Variants in ACOXL observed in about 807,000 individuals in gnomAD.
ACOXL encodes acyl-coenzyme A oxidase-like protein.
A neutral mutation model predicts 71.9 loss-of-function variants in ACOXL; 70 were observed. The ratio of observed to expected loss-of-function variants is 0.97; its 90% CI spans 0.80 to 1.19. The LOEUF is 1.19. Ranked by LOEUF, ACOXL falls within the 50% of genes most tolerant of loss-of-function variation. ACOXL has a pLI of 0.00. For synonymous variants in ACOXL, 253 were observed against 281.6 expected (o/e 0.90, Z 1.02); for missense variants, 703 against 736.3 (o/e 0.95, Z 0.52).
intron 1 of ACOXL, among the ~76,000 whole-genome samples, chr2:110,767,403 G>C (rs1484291222): frequency 6.6e-6 from 1 of 152,140 alleles, no homozygotes; most frequent in Non-Finnish European, 1.5e-5. Context: ...GCAAAGAGAG[G>C]GGGAGGAAAG....
intron 12 of ACOXL, among the ~76,000 whole-genome samples, chr2:110,978,098 A>G (rs898130558): frequency 5.9e-5 from 9 of 152,208 alleles, no homozygotes; most frequent in African/African-American, 2.2e-4. Flanking sequence ...ATCTTAGTCC[A>G]TGTCTTCTTC....
intron 12 of ACOXL, among the ~76,000 whole-genome samples, chr2:110,971,865 C>T (rs2062205597): frequency 6.6e-6 from 1 of 152,200 alleles, no homozygotes; most frequent in African/African-American, 2.4e-5. Flanking sequence ...TCACATTCTC[C>T]ATCTCAGCTT....
chr2:110,957,283 T>C (rs1490195460), intron 12 of ACOXL, among the ~76,000 whole-genome samples: 1 of 152,124 alleles, frequency 6.6e-6, no homozygotes, highest in Non-Finnish European at 1.5e-5. Flanking sequence ...TGCTACTTAC[T>C]GAGTGGCTTG....
intron 9 of ACOXL, among the ~76,000 whole-genome samples, chr2:110,815,543 A>G (rs1036765577): frequency 1.1e-4 from 17 of 152,222 alleles, no homozygotes; most frequent in Admixed American, 3.9e-4. Flanking sequence ...GATGTTTTTC[A>G]TATTTAAAAT....
chr2:111,088,516 C>T (rs1193731730), intron 16 of ACOXL, among the ~76,000 whole-genome samples: 1 of 152,164 alleles, frequency 6.6e-6, no homozygotes, highest in Non-Finnish European at 1.5e-5. Context: ...TTATCCTTAA[C>T]AAGCCAGCCC....
chr2:110,822,819 C>G (rs1262670421), intron 9 of ACOXL, among the ~76,000 whole-genome samples: 1 of 152,148 alleles, frequency 6.6e-6, no homozygotes, highest in Non-Finnish European at 1.5e-5. Context: ...CTATTTAATC[C>G]TTCTCCCTCC....
intron 2 of ACOXL, among the ~76,000 whole-genome samples, chr2:110,773,323 C>T (rs183890738): frequency 9.2e-5 from 14 of 152,056 alleles, no homozygotes; most frequent in African/African-American, 3.4e-4. Flanking sequence ...TTGGGAATGC[C>T]GGGGAGGGTG....
chr2:111,051,143 A>G (rs1481923404), intron 16 of ACOXL, among the ~76,000 whole-genome samples: 1 of 152,248 alleles, frequency 6.6e-6, no homozygotes, highest in Non-Finnish European at 1.5e-5. Flanking sequence ...CATCAAAGAA[A>G]GAAGTTTCAC....
intron 10 of ACOXL, among the ~76,000 whole-genome samples, chr2:110,845,115 C>A (rs1434433478): frequency 6.6e-6 from 1 of 152,150 alleles, no homozygotes; most frequent in Non-Finnish European, 1.5e-5. Context: ...TTATAAAGAA[C>A]AGAAATTTAT....
chr2:110,754,748 G>A (rs147497172), intron 1 of ACOXL, among the ~76,000 whole-genome samples: 13 of 152,254 alleles, frequency 8.5e-5, no homozygotes, highest in Non-Finnish European at 5.9e-5. Flanking sequence ...CATTTGGGTT[G>A]TTTCCAGTTT....
intron 1 of ACOXL, among the ~76,000 whole-genome samples, chr2:110,763,541 A>G (rs1447893485): frequency 6.6e-6 from 1 of 152,208 alleles, no homozygotes; most frequent in Non-Finnish European, 1.5e-5. Flanking sequence ...ACAGAAAGTA[A>G]CTCAAAATGG....
chr2:110,839,523 G>T (rs1184277139), intron 9 of ACOXL, among the ~76,000 whole-genome samples: 3 of 152,178 alleles, frequency 2.0e-5, no homozygotes, highest in Admixed American at 6.5e-5. Context: ...TCAGGTGATT[G>T]TGATGTGCAA....
intron 17 of ACOXL, among the ~76,000 whole-genome samples, chr2:111,112,140 A>C (rs766415729): frequency 5.3e-5 from 8 of 152,258 alleles, no homozygotes; most frequent in Admixed American, 6.5e-5. Flanking sequence ...GGAACAAATC[A>C]ACATAAAATA....
intron 1 of ACOXL, among the ~76,000 whole-genome samples, chr2:110,741,515 G>T (rs1432546796): frequency 6.6e-6 from 1 of 152,190 alleles, no homozygotes; most frequent in East Asian, 1.9e-4. Context: ...CACAGTGAGT[G>T]TGACAGAGTA....
At chr2:110,781,454 G>A (rs1683322935) in intron 2 of ACOXL, among the ~76,000 whole-genome samples, 1 of 151,750 alleles carries the variant, frequency 6.6e-6, no homozygotes, top group Non-Finnish European at 1.5e-5. Context: ...AGACTGGCCA[G>A]CATGGTGAAA....
chr2:111,054,656 C>T lies in ACOXL; in HGVS notation c.1440+5368C>T, dbSNP rs1383925153. 6.6e-5 allele frequency among the ~76,000 whole-genome samples: 10 copies of T among 152,300 alleles called. No individual in the cohort carries two copies. The South Asian group carries it at 1.7e-3, about 25-fold the overall frequency. ...GTGTGGAAGGAGGGACGCCAGGCCTCCCTCCACGTCCCCTGCCACCATGGT... is the reference window on the plus strand; with the variant it reads ...GTGTGGAAGGAGGGACGCCAGGCCTTCCTCCACGTCCCCTGCCACCATGGT... On this transcript the variant is annotated intron_variant, in intron 16 of 17. Coordinates refer to ENST00000439055, the MANE Select transcript of ACOXL (RefSeq NM_001142807.4).
intron 10 of ACOXL, among the ~76,000 whole-genome samples, chr2:110,854,219 GA>G (rs1264533203): frequency 6.6e-6 from 1 of 152,196 alleles, no homozygotes; most frequent in Non-Finnish European, 1.5e-5. Flanking sequence ...GGGAAGAAGA[GA>G]GGGGGAAGAA....
intron 1 of ACOXL, among the ~76,000 whole-genome samples, chr2:110,752,215 C>T (rs1252696362): frequency 1.3e-5 from 2 of 152,130 alleles, no homozygotes; most frequent in Non-Finnish European, 2.9e-5. Flanking sequence ...ACCATATTGG[C>T]CAGGCTGGTC....
chr2:110,748,407 T>A (rs1427784327), intron 1 of ACOXL, among the ~76,000 whole-genome samples: 2 of 152,188 alleles, frequency 1.3e-5, no homozygotes, highest in Non-Finnish European at 2.9e-5. Flanking sequence ...AGGGGATCTT[T>A]TCTTCCTCTG....
Sources: allele counts gnomAD v4.1 joint callset (sites outside exome capture counted in the v4.1 genomes callset), GRCh38; gene constraint gnomAD v4.1.1; transcripts MANE v1.5; gene names NCBI Gene and HGNC (gene_info 2026-07-23, HGNC 2026-07-21).